The following CCNK variants were observed in gnomAD, a reference collection of about 807,000 sequenced individuals.
The protein encoded by CCNK is cyclin K, also known as cyclin-K.
Under a neutral mutation model 65.0 loss-of-function variants are expected in CCNK, and 9 were observed. The observed-to-expected ratio is 0.14, with a 90% CI of 0.08 to 0.24. The LOEUF is 0.24. Among genes scored for constraint, CCNK ranks in the 10% least tolerant of loss-of-function variants. CCNK has a pLI of 1.00. For synonymous variants in CCNK, 279 were observed against 270.8 expected (o/e 1.03, Z -0.30); for missense variants, 474 against 720.0 (o/e 0.66, Z 3.91).
intron 1 of CCNK, among the ~76,000 whole-genome samples, chr14:99,483,441 T>C (rs1404710667): frequency 6.6e-6 from 1 of 152,024 alleles, no homozygotes; most frequent in Admixed American, 6.5e-5. Flanking sequence ...TAGTAGCTAC[T>C]TGGGAGACTG....
At position 99,512,055 on chromosome 14, in the gene CCNK, T is replaced by C. The variant is rs1441386697; in HGVS notation, c.*1273T>C. The stretch of plus-strand genomic sequence containing the variant: ...GCCAGGAGGCTCACAAAGAGGCCTT[T>C]ATTTATCTAGCTCAAAGTAGACACT... On this transcript the variant is annotated 3_prime_UTR_variant, in exon 11 of 11. Coordinates refer to ENST00000389879, the MANE Select transcript of CCNK (RefSeq NM_001099402.2). 6.6e-6 allele frequency: 1 copy of C among 152,264 alleles called. No homozygotes were observed. The highest frequency in any genetic ancestry group is 2.4e-5 in the African/African-American group (1 of 41,464). The allele number at this position is 152,264 out of a possible 1,614,324, so 9.4% of individuals were successfully genotyped here.
At chr14:99,501,611 T>C in intron 6 of CCNK, 198 bp downstream of exon 6, 1 of 569,148 alleles carries the variant, frequency 1.8e-6, no homozygotes. Flanking sequence ...CCCTGCCGTG[T>C]CATGGTGTTG....
At chr14:99,498,613 A>G (rs1360860741) in intron 4 of CCNK, among the ~76,000 whole-genome samples, 9 of 152,230 alleles carry the variant, frequency 5.9e-5, no homozygotes, top group Admixed American at 5.9e-4. Flanking sequence ...GGCACTAGAC[A>G]TGAGGCACGA....
At chr14:99,497,284 T>C (rs993183120) in intron 4 of CCNK, among the ~76,000 whole-genome samples, 12 of 152,216 alleles carry the variant, frequency 7.9e-5, no homozygotes, top group African/African-American at 2.7e-4. Flanking sequence ...ACCACTGATA[T>C]TTTTACTGTC....
chr14:99,498,051 CAG>C (rs1345630789), intron 4 of CCNK, among the ~76,000 whole-genome samples: 2 of 152,210 alleles, frequency 1.3e-5, no homozygotes, highest in African/African-American at 2.4e-5. Context: ...ACCCCCGTCA[CAG>C]GGGCAGGTGA....
At chr14:99,493,229 G>C (rs1487512441) in intron 2 of CCNK, 2 of 439,304 alleles carry the variant, frequency 4.6e-6, no homozygotes, top group Admixed American at 8.0e-5. Flanking sequence ...AGTGAGCCAA[G>C]ATCACACCAC....
intron 7 of CCNK, 141 bp from the exon 8 acceptor site, chr14:99,502,578 G>A (rs1032758235): frequency 1.7e-6 from 2 of 1,194,610 alleles, no homozygotes; most frequent in African/African-American, 1.5e-5. Flanking sequence ...CACCAGTGTT[G>A]CACACAACGA....
At chr14:99,509,809 G>T (rs1232472621) in intron 10 of CCNK, 3 of 344,870 alleles carry the variant, frequency 8.7e-6, no homozygotes, top group Admixed American at 8.9e-5. Flanking sequence ...GTTTCTGAAG[G>T]CAGAAAAACA....
chr14:99,482,248 A>G (rs1950598), intron 1 of CCNK, among the ~76,000 whole-genome samples: 64,080 of 152,118 alleles, frequency 0.42, 13,982 homozygotes, highest in East Asian at 0.56. Flanking sequence ...TGTGTTTTTA[A>G]GAGAAACTTG....
rs911614716 is a variant in CCNK, at chr14:99,481,630, T to C, written c.-53+151T>C. 17 of 382,896 alleles carry C rather than the reference T, an allele frequency of 4.4e-5. 1 individual carries two copies. The highest frequency in any genetic ancestry group is 2.1e-5 in the African/African-American group (1 of 47,960). 23.7% of individuals were successfully genotyped at this position (382,896 alleles called of 1,614,324 possible). A position where few individuals can be genotyped will look rare whatever the true frequency, so the allele number is the denominator to read the frequency against. On this transcript the variant is annotated intron_variant, in intron 1 of 10. Coordinates refer to ENST00000389879, the MANE Select transcript of CCNK (RefSeq NM_001099402.2). ...CTAACCTCCGGTACACATTGAACTT[T>C]GCGGGCGACGCGGGGTTGTGGGGCG...
chr14:99,511,889 C>T lies in CCNK; in HGVS notation c.*1107C>T, dbSNP rs1401581370. 1.3e-5 allele frequency: 2 copies of T among 152,414 alleles called. No homozygotes were observed. Among genetic ancestry groups the T allele is most frequent in the Non-Finnish European group, 2.9e-5 (2 of 68,058 alleles). The allele number at this position is 152,414 out of a possible 1,614,324, so 9.4% of individuals were successfully genotyped here. On this transcript the variant is annotated 3_prime_UTR_variant, in exon 11 of 11. Coordinates refer to ENST00000389879, the MANE Select transcript of CCNK (RefSeq NM_001099402.2). ...GAGGCAGCTGGAGGAGCAGCGGCCT[C>T]ACTGTCCACCTTGAGGGGCCACGGC...
chr14:99,511,266 T>C lies in CCNK; in HGVS notation c.*484T>C, dbSNP rs960172351. 6 of 152,344 alleles carry C rather than the reference T, an allele frequency of 3.9e-5. No individual in the cohort carries two copies. The highest frequency in any genetic ancestry group is 1.4e-4 in the African/African-American group (6 of 41,442). 9.4% of individuals were successfully genotyped at this position (152,344 alleles called of 1,614,324 possible). ...GCAGAAGAACCACATTTTTCATTTA[T>C]AGATGTTTGCATCCTTTGTATTAAA... On this transcript the variant is annotated 3_prime_UTR_variant, in exon 11 of 11. Transcript: ENST00000389879.
chr14:99,512,208 C>T lies in CCNK; in HGVS notation c.*1426C>T, dbSNP rs1324381662. On this transcript the variant is annotated 3_prime_UTR_variant, in exon 11 of 11. Coordinates refer to ENST00000389879, the MANE Select transcript of CCNK (RefSeq NM_001099402.2). ...TGGTTGAATAGAAGGTAGAAACAGGCCGGGAGTCCACGGGCTCCCAGCTCT... is the reference window on the plus strand; with the variant it reads ...TGGTTGAATAGAAGGTAGAAACAGGTCGGGAGTCCACGGGCTCCCAGCTCT... 6.6e-6 allele frequency: 1 copy of T among 152,118 alleles called. No individual in the cohort carries two copies. The highest frequency in any genetic ancestry group is 1.5e-5 in the Non-Finnish European group (1 of 68,022). The allele number at this position is 152,118 out of a possible 1,614,324, so 9.4% of individuals were successfully genotyped here.
intron 4 of CCNK, among the ~76,000 whole-genome samples, chr14:99,498,241 C>G (rs1896742851): frequency 6.6e-6 from 1 of 152,142 alleles, no homozygotes; most frequent in African/African-American, 2.4e-5. Flanking sequence ...AGCCCCAGTC[C>G]AGGAACAGTG....
At chr14:99,484,831 T>C (rs538298310) in intron 1 of CCNK, among the ~76,000 whole-genome samples, 1 of 152,276 alleles carries the variant, frequency 6.6e-6, no homozygotes, top group African/African-American at 2.4e-5. Flanking sequence ...TACTATTGTT[T>C]CCATAATTCT....
rs770745891 is a variant in CCNK at position 99,510,718 on chromosome 14, C to T, written c.1679C>T (p.Pro560Leu). ...CCTGGAGGACAGCCTCCTGTGCCCCCGCCCATTCCCCCACCCGGCATGCCT... is the reference window on the plus strand; with the variant it reads ...CCTGGAGGACAGCCTCCTGTGCCCCTGCCCATTCCCCCACCCGGCATGCCT... Reference protein sequence around the residue: ...VPPGGQPPVPPPIPPPGMPPV... With the variant: ...VPPGGQPPVPLPIPPPGMPPV... The change falls in exon 11 of 11, where the codon CCG becomes CTG. Residue 560 changes from proline (P) to leucine (L), a missense_variant. This residue lies in a region of CCNK where 53 missense variants were observed against 91.4 expected (regional missense o/e 0.58). Coordinates refer to ENST00000389879, the MANE Select transcript of CCNK (RefSeq NM_001099402.2). 4.2e-6 allele frequency: 6 copies of T among 1,429,308 alleles called. No homozygotes were observed. The highest frequency in any genetic ancestry group is 3.0e-5 in the Admixed American group (1 of 33,002). 88.5% of individuals were successfully genotyped at this position (1,429,308 alleles called of 1,614,324 possible).
intron 1 of CCNK, among the ~76,000 whole-genome samples, chr14:99,489,305 CA>C (rs1004779258): frequency 2.9e-4 from 43 of 149,426 alleles, no homozygotes; most frequent in African/African-American, 7.4e-4. Flanking sequence ...CCACAACATG[CA>C]AAAAAAAATG....
intron 4 of CCNK, among the ~76,000 whole-genome samples, 152 bp downstream of exon 4, chr14:99,495,781 T>C (rs1460817054): frequency 2.0e-5 from 3 of 152,184 alleles, no homozygotes; most frequent in African/African-American, 7.2e-5. Flanking sequence ...GATGCTTTTG[T>C]AAGAAAGGAG....
chr14:99,489,246 T>C (rs541116799), intron 1 of CCNK, among the ~76,000 whole-genome samples: 1 of 152,362 alleles, frequency 6.6e-6, no homozygotes, highest in African/African-American at 2.4e-5. Flanking sequence ...TTCTTTGCAC[T>C]GAAAATCTTG....
Sources: gnomAD v4.1 joint callset for allele counts (sites outside exome capture counted in the v4.1 genomes callset) on GRCh38, gnomAD v4.1.1 for gene constraint, gnomAD v4.1.1 regional missense constraint, MANE v1.5 for transcripts, NCBI Gene and HGNC (gene_info 2026-07-23, HGNC 2026-07-21) for gene names.